The following SLC24A3 variants were observed in gnomAD, a reference collection of about 807,000 sequenced individuals.
SLC24A3 encodes sodium/potassium/calcium exchanger 3.
SLC24A3 carries 28 observed loss-of-function variants against 75.8 expected under a neutral mutation model. The ratio of observed to expected loss-of-function variants is 0.37; its 90% CI spans 0.27 to 0.51. The LOEUF (loss-of-function observed/expected upper bound fraction) is 0.51. Among genes scored for constraint, SLC24A3 ranks in the 20% least tolerant of loss-of-function variants. SLC24A3 has a pLI of 0.94. For synonymous variants in SLC24A3, 372 were observed against 334.1 expected (o/e 1.11, Z -1.24); for missense variants, 663 against 847.8 (o/e 0.78, Z 2.71).
chr20:19,442,117 C>T (rs1987308249), intron 2 of SLC24A3, among the ~76,000 whole-genome samples: 1 of 152,142 alleles, frequency 6.6e-6, no homozygotes, highest in Non-Finnish European at 1.5e-5. Flanking sequence ...TGAAGAACAT[C>T]TTGGTTTCTT....
At chr20:19,382,865 C>G (rs6112339) in intron 2 of SLC24A3, among the ~76,000 whole-genome samples, 41 of 152,144 alleles carry the variant, frequency 2.7e-4, no homozygotes, top group African/African-American at 8.9e-4. Context: ...TATATTCACT[C>G]AAGTCTGGCC....
chr20:19,689,603 A>G (rs577674044), intron 12 of SLC24A3, among the ~76,000 whole-genome samples: 33 of 152,366 alleles, frequency 2.2e-4, no homozygotes, highest in African/African-American at 7.5e-4. Flanking sequence ...AAATGAATGA[A>G]TGAAGAATAA....
At chr20:19,709,830 C>T (rs542962579) in intron 15 of SLC24A3, among the ~76,000 whole-genome samples, 1 of 152,290 alleles carries the variant, frequency 6.6e-6, no homozygotes. Context: ...CTCTGAGCCT[C>T]AGTTGTCTCA....
In SLC24A3 at chr20:19,509,869, G is replaced by A. The variant is rs78182422; in HGVS notation, c.272-5619G>A. ...TCCCAGAGAGATGAAATGACAGGTG[G>A]CCAAAGCCACACTTTGGAAATGTTG... On this transcript the variant is annotated intron_variant, in intron 2 of 16. Coordinates refer to ENST00000328041, the MANE Select transcript of SLC24A3 (RefSeq NM_020689.4). 2.0e-3 allele frequency among the ~76,000 whole-genome samples: 305 copies of A among 152,314 alleles called. 1 individual carries two copies. The highest frequency in any genetic ancestry group is 6.9e-3 in the African/African-American group (287 of 41,558).
intron 2 of SLC24A3, among the ~76,000 whole-genome samples, chr20:19,330,217 A>C (rs1305562171): frequency 1.3e-5 from 2 of 152,144 alleles, no homozygotes; most frequent in Non-Finnish European, 2.9e-5. Context: ...GGCTGGGCTG[A>C]GGAGGGCCTC....
At chr20:19,305,885 T>A (rs1015077558) in intron 2 of SLC24A3, among the ~76,000 whole-genome samples, 8 of 152,206 alleles carry the variant, frequency 5.3e-5, no homozygotes, top group African/African-American at 1.7e-4. Context: ...AAGTGAGATC[T>A]AATTAAACTA....
intron 2 of SLC24A3, among the ~76,000 whole-genome samples, chr20:19,287,236 A>G (rs1204112467): frequency 6.6e-6 from 1 of 152,144 alleles, no homozygotes; most frequent in East Asian, 1.9e-4. Flanking sequence ...TCCCTCCTCA[A>G]CTTGGCTTCC....
chr20:19,320,286 A>G (rs1308537594), intron 2 of SLC24A3, among the ~76,000 whole-genome samples: 1 of 152,208 alleles, frequency 6.6e-6, no homozygotes, highest in Admixed American at 6.5e-5. Flanking sequence ...TAACATCATA[A>G]AGGTCGAGTT....
intron 6 of SLC24A3, among the ~76,000 whole-genome samples, chr20:19,603,876 T>C (rs2031561613): frequency 6.6e-6 from 1 of 152,272 alleles, no homozygotes; most frequent in Middle Eastern, 3.4e-3. Flanking sequence ...AACTGAGCAA[T>C]GGTAGCCTCT....
chr20:19,651,600 C>G (rs2032204073), intron 6 of SLC24A3, among the ~76,000 whole-genome samples: 1 of 151,980 alleles, frequency 6.6e-6, no homozygotes, highest in Non-Finnish European at 1.5e-5. Flanking sequence ...TGGCTCACGC[C>G]TGTAATCCCA....
intron 15 of SLC24A3, 54 bp downstream of exon 15, chr20:19,698,734 T>C: frequency 7.4e-7 from 1 of 1,358,496 alleles, no homozygotes; most frequent in Admixed American, 2.0e-5. Flanking sequence ...GTGACTGTGT[T>C]TTAACAGCCT....
intron 6 of SLC24A3, among the ~76,000 whole-genome samples, chr20:19,622,103 G>C (rs751152164): frequency 1.3e-5 from 2 of 152,214 alleles, no homozygotes; most frequent in Non-Finnish European, 2.9e-5. Flanking sequence ...GAGAGAGCAA[G>C]AAGTAAAGGA....
intron 2 of SLC24A3, among the ~76,000 whole-genome samples, chr20:19,486,909 C>T (rs540132959): frequency 6.6e-6 from 1 of 152,308 alleles, no homozygotes; most frequent in South Asian, 2.1e-4. Flanking sequence ...TGGGCTTGGA[C>T]ACAACTTTGG....
At chr20:19,281,159 T>C in intron 2 of SLC24A3, 72 bp downstream of exon 2, 1 of 1,579,394 alleles carries the variant, frequency 6.3e-7, no homozygotes, top group Non-Finnish European at 8.6e-7. Flanking sequence ...AGCCAGCTGC[T>C]GTGTGTTTTC....
chr20:19,631,913 C>G, intron 6 of SLC24A3, among the ~76,000 whole-genome samples: 1 of 152,024 alleles, frequency 6.6e-6, no homozygotes, highest in South Asian at 2.1e-4. Flanking sequence ...CTGTTCTCAA[C>G]TGTGGGACCT....
chr20:19,273,280 G>A (rs776192483), intron 1 of SLC24A3, among the ~76,000 whole-genome samples: 1 of 152,210 alleles, frequency 6.6e-6, no homozygotes, highest in East Asian at 1.9e-4. Flanking sequence ...AGTAGAGAAA[G>A]AGCCAGGCCT....
At chr20:19,241,994 A>G (rs189005194) in intron 1 of SLC24A3, among the ~76,000 whole-genome samples, 174 of 152,322 alleles carry the variant, frequency 1.1e-3, no homozygotes, top group Non-Finnish European at 1.0e-3. Flanking sequence ...TGACCCAGTT[A>G]TACCTTCAAG....
chr20:19,323,034 G>C (rs1002125056), intron 2 of SLC24A3, among the ~76,000 whole-genome samples: 1 of 151,424 alleles, frequency 6.6e-6, no homozygotes, highest in Admixed American at 6.6e-5. Context: ...GTGAAACCCC[G>C]TCTCTACTAA....
At chr20:19,314,098 A>G (rs984752603) in intron 2 of SLC24A3, among the ~76,000 whole-genome samples, 1 of 152,102 alleles carries the variant, frequency 6.6e-6, no homozygotes, top group Non-Finnish European at 1.5e-5. Flanking sequence ...CTGTTGATAA[A>G]CAACAAAAGC....
Sources: allele counts gnomAD v4.1 joint callset (sites outside exome capture counted in the v4.1 genomes callset), GRCh38; gene constraint gnomAD v4.1.1; transcripts MANE v1.5; gene names NCBI Gene and HGNC (gene_info 2026-07-23, HGNC 2026-07-21).